Variants in PRDM5 observed in about 807,000 individuals in gnomAD.
PRDM5 encodes PR domain zinc finger protein 5.
PRDM5 carries 56 observed loss-of-function variants against 81.2 expected under a neutral mutation model. The observed-to-expected ratio is 0.69, with a 90% CI of 0.56 to 0.86. The LOEUF (loss-of-function observed/expected upper bound fraction) is 0.86. Among genes scored for constraint, PRDM5 ranks in the 40% least tolerant of loss-of-function variants. PRDM5 has a pLI of 0.00. For synonymous variants in PRDM5, 267 were observed against 256.4 expected (o/e 1.04, Z -0.39); for missense variants, 697 against 770.1 (o/e 0.91, Z 1.12).
At chr4:120,910,083 G>T in intron 1 of PRDM5, among the ~76,000 whole-genome samples, 1 of 145,458 alleles carries the variant, frequency 6.9e-6, no homozygotes, top group Non-Finnish European at 1.5e-5. Flanking sequence ...AAAAAAAAAA[G>T]AGTTTTGACC....
intron 8 of PRDM5, among the ~76,000 whole-genome samples, chr4:120,807,869 A>G (rs1753215651): frequency 6.6e-6 from 1 of 151,638 alleles, no homozygotes; most frequent in South Asian, 2.1e-4. Flanking sequence ...ATGTGTTTGG[A>G]GTTTCTTCCT....
rs138248908 is a variant in PRDM5, at chr4:120,733,053, T to A, written c.1623+21500A>T. Among the ~76,000 whole-genome samples, 1,289 of 152,278 alleles carry A rather than the reference T, an allele frequency of 8.5e-3. 9 individuals carry two copies. The highest frequency in any genetic ancestry group is 0.037 in the Middle Eastern group (11 of 294). On this transcript the variant is annotated intron_variant, in intron 14 of 15. Coordinates refer to ENST00000264808, the MANE Select transcript of PRDM5 (RefSeq NM_018699.4). ...TTACTAGTCTCAACCTACAAGACCA[T>A]TTGTGTGATATAAAAGAAAAAAGAT...
At chr4:120,864,337 C>T (rs1760969713) in intron 2 of PRDM5, among the ~76,000 whole-genome samples, 1 of 152,164 alleles carries the variant, frequency 6.6e-6, no homozygotes, top group African/African-American at 2.4e-5. Flanking sequence ...AAGTTGATAT[C>T]TGATATCTAA....
chr4:120,732,724 A>C (rs1457546933), intron 14 of PRDM5, among the ~76,000 whole-genome samples: 2 of 152,208 alleles, frequency 1.3e-5, no homozygotes, highest in East Asian at 3.8e-4. Context: ...GTTTCCCTTT[A>C]ATTTCATGAC....
chr4:120,687,954 G>A (rs1003016053), downstream of PRDM5, among the ~76,000 whole-genome samples: 1 of 152,048 alleles, frequency 6.6e-6, no homozygotes, highest in Non-Finnish European at 1.5e-5. Context: ...TCAAGTCTTA[G>A]GTATTATGAT....
At chr4:120,720,417 A>G (rs758759446) in intron 14 of PRDM5, among the ~76,000 whole-genome samples, 1 of 152,192 alleles carries the variant, frequency 6.6e-6, no homozygotes, top group Non-Finnish European at 1.5e-5. Context: ...AAAGATGACT[A>G]CTTGCTTCTA....
chr4:120,813,983 C>T (rs1754177037), intron 7 of PRDM5, among the ~76,000 whole-genome samples: 1 of 152,208 alleles, frequency 6.6e-6, no homozygotes. Flanking sequence ...ACATCAAACC[C>T]TCATCCCCAA....
chr4:120,778,483 A>G (rs1409795574), intron 12 of PRDM5, among the ~76,000 whole-genome samples: 1 of 152,132 alleles, frequency 6.6e-6, no homozygotes, highest in African/African-American at 2.4e-5. Flanking sequence ...TTCCATATTA[A>G]CTTGTTAACA....
intron 2 of PRDM5, among the ~76,000 whole-genome samples, chr4:120,898,694 T>A (rs73843651): frequency 7.9e-5 from 12 of 152,344 alleles, no homozygotes; most frequent in African/African-American, 2.6e-4. Flanking sequence ...AGCAGTAATA[T>A]TGATGTGTTC....
At chr4:120,776,373 A>G (rs1204813903) in intron 13 of PRDM5, among the ~76,000 whole-genome samples, 1 of 152,170 alleles carries the variant, frequency 6.6e-6, no homozygotes, top group South Asian at 2.1e-4. Context: ...TTGACAATAC[A>G]GTTATTGTGC....
chr4:120,695,571 T>C (rs1560876580), intron 15 of PRDM5, among the ~76,000 whole-genome samples: 1 of 152,122 alleles, frequency 6.6e-6, no homozygotes, highest in Non-Finnish European at 1.5e-5. Flanking sequence ...ATAACATAAA[T>C]GGCATAAGAC....
At chr4:120,737,934 C>G (rs925922150) in intron 14 of PRDM5, among the ~76,000 whole-genome samples, 3 of 152,044 alleles carry the variant, frequency 2.0e-5, no homozygotes, top group Admixed American at 6.5e-5. Context: ...CTTCAACAAA[C>G]CTAATAACTC....
intron 3 of PRDM5, among the ~76,000 whole-genome samples, chr4:120,823,155 A>G (rs1329105800): frequency 6.6e-6 from 1 of 152,230 alleles, no homozygotes; most frequent in Admixed American, 6.5e-5. Flanking sequence ...AATATCCATG[A>G]AAGTTAATTG....
chr4:120,709,235 A>C (rs1437339265), intron 15 of PRDM5, among the ~76,000 whole-genome samples: 1 of 152,150 alleles, frequency 6.6e-6, no homozygotes, highest in Non-Finnish European at 1.5e-5. Flanking sequence ...AAACCATCTA[A>C]ATAGGTTTTG....
intron 3 of PRDM5, chr4:120,838,120 A>G (rs931177732): frequency 1.3e-5 from 2 of 152,192 alleles, no homozygotes; most frequent in African/African-American, 4.8e-5. Flanking sequence ...ACAAAGCTCC[A>G]TGTGAAAGGA....
At chr4:120,725,711 G>A (rs1274637693) in intron 14 of PRDM5, among the ~76,000 whole-genome samples, 1 of 133,954 alleles carries the variant, frequency 7.5e-6, no homozygotes, top group Non-Finnish European at 1.8e-5. Flanking sequence ...ACAAGAAAAT[G>A]CCAACTCCGT....
At chr4:120,840,722 C>T (rs1251177911) in intron 3 of PRDM5, among the ~76,000 whole-genome samples, 5 of 152,194 alleles carry the variant, frequency 3.3e-5, no homozygotes, top group Non-Finnish European at 5.9e-5. Context: ...ACTCTGCCCA[C>T]GATAGGCCTG....
chr4:120,897,870 T>C (rs991169001), intron 2 of PRDM5, among the ~76,000 whole-genome samples: 4 of 152,216 alleles, frequency 2.6e-5, no homozygotes, highest in Admixed American at 2.0e-4. Context: ...TGCTAGAGTA[T>C]AACAGTCATG....
At chr4:120,916,345 C>T (rs539333620) in intron 1 of PRDM5, among the ~76,000 whole-genome samples, 4 of 152,070 alleles carry the variant, frequency 2.6e-5, no homozygotes, top group African/African-American at 9.7e-5. Flanking sequence ...TGAGATCGCA[C>T]CTCTGCACTT....
Sources: allele counts gnomAD v4.1 joint callset (sites outside exome capture counted in the v4.1 genomes callset), GRCh38; gene constraint gnomAD v4.1.1; transcripts MANE v1.5; gene names NCBI Gene and HGNC (gene_info 2026-07-23, HGNC 2026-07-21).